The following EDN3 variants were observed in gnomAD, a reference collection of about 807,000 sequenced individuals.
EDN3 encodes the protein endothelin-3.
Under a neutral mutation model 21.4 loss-of-function variants are expected in EDN3, and 9 were observed. That is an observed-to-expected ratio of 0.42 (90% CI 0.25 to 0.73). The LOEUF (loss-of-function observed/expected upper bound fraction) is 0.73, where lower values mean the gene tolerates loss of function less well. EDN3 is among the 30% of genes least tolerant of loss of function. The pLI is 0.26. For synonymous variants in EDN3, 133 were observed against 126.2 expected (o/e 1.05, Z -0.36); for missense variants, 327 against 309.4 (o/e 1.06, Z -0.43).
chr20:59,301,764 A>G, intron 2 of EDN3, 42 bp downstream of exon 2: 1 of 1,604,638 alleles, frequency 6.2e-7, no homozygotes, highest in East Asian at 2.2e-5. Context: ...CTCCCGGACC[A>G]GGCCCACATC....
chr20:59,316,603 C>G (rs1011678651), intron 2 of EDN3, among the ~76,000 whole-genome samples: 1 of 152,220 alleles, frequency 6.6e-6, no homozygotes, highest in Admixed American at 6.5e-5. Context: ...AAACAAAAGT[C>G]AGCTTTCCTT....
At chr20:59,304,155 T>C (rs1417560965) in intron 2 of EDN3, among the ~76,000 whole-genome samples, 1 of 151,636 alleles carries the variant, frequency 6.6e-6, no homozygotes, top group East Asian at 1.9e-4. Context: ...ACTCTGTAGA[T>C]GTGTAGATAG....
At chr20:59,315,567 A>T (rs962651745) in intron 2 of EDN3, among the ~76,000 whole-genome samples, 1 of 152,134 alleles carries the variant, frequency 6.6e-6, no homozygotes, top group Admixed American at 6.5e-5. Flanking sequence ...TAAATGAAAC[A>T]ACGCCTCTAT....
chr20:59,308,772 C>T (rs1989597252), intron 2 of EDN3, among the ~76,000 whole-genome samples: 1 of 152,178 alleles, frequency 6.6e-6, no homozygotes. Flanking sequence ...TGGGCCAAAA[C>T]CAGTCCTCCT....
At chr20:59,318,702 C>A (rs1990344745) in intron 2 of EDN3, among the ~76,000 whole-genome samples, 1 of 152,266 alleles carries the variant, frequency 6.6e-6, no homozygotes, top group African/African-American at 2.4e-5. Context: ...CTTTACCGCG[C>A]TTGGCGGCCG....
Position 59,321,004 on chromosome 20 carries a change from C to G in EDN3, c.366-13C>G. 6.2e-7 allele frequency: 1 copy of G among 1,614,200 alleles called. No individual in the cohort carries two copies. The highest frequency in any genetic ancestry group is 8.5e-7 in the Non-Finnish European group (1 of 1,180,038). ...CTGGGTGTGCTCACCTAACATTACCCTGTGCTTTGCAGACAGACGGTGCCC... is the reference window on the plus strand; with the variant it reads ...CTGGGTGTGCTCACCTAACATTACCGTGTGCTTTGCAGACAGACGGTGCCC... On this transcript the variant is annotated splice_polypyrimidine_tract_variant and intron_variant, in intron 2 of 4. Transcript: ENST00000337938.
rs1434013572 is a variant in EDN3 at position 59,300,834 on chromosome 20, C to G, written c.22C>G (p.Leu8Val). 2.5e-6 allele frequency: 4 copies of G among 1,611,332 alleles called. No homozygotes were observed. Among genetic ancestry groups the G allele is most frequent in the South Asian group, 2.2e-5 (2 of 91,006 alleles). MEPGLWL[L>V]FGLTVTSAAG... ...GTTCATGGAGCCGGGGCTGTGGCTC[C>G]TTTTCGGGCTCACAGTGACCTCCGC... The change falls in exon 1 of 5, where the codon CTT (leucine) becomes GTT (valine). Residue 8 changes from leucine (L) to valine (V), a missense_variant. Coordinates refer to ENST00000337938, the MANE Select transcript of EDN3 (RefSeq NM_207034.3).
rs11570354 is a variant in EDN3, at chr20:59,324,636, C to A, written c.*177C>A. 4.8e-4 allele frequency: 384 copies of A among 807,260 alleles called. 3 individuals carry two copies. The East Asian group carries it at 1.0e-2, about 21-fold the overall frequency. 50.0% of individuals were successfully genotyped at this position (807,260 alleles called of 1,614,324 possible). A position where few individuals can be genotyped will look rare whatever the true frequency, so the allele number is the denominator to read the frequency against. The stretch of plus-strand genomic sequence containing the variant: ...GGCAAGAATGCCCAAATCCGAATGA[C>A]CCCAGTTTTCCTAATGAGTAAAATG... On this transcript the variant is annotated 3_prime_UTR_variant, in exon 5 of 5. Coordinates refer to ENST00000337938, the MANE Select transcript of EDN3 (RefSeq NM_207034.3).
In EDN3 at chr20:59,305,530, A is replaced by C. The variant is rs1432328676; in HGVS notation, c.365+3808A>C. 6.6e-6 allele frequency among the ~76,000 whole-genome samples: 1 copy of C among 152,192 alleles called. No homozygotes were observed. The highest frequency in any genetic ancestry group is 1.5e-5 in the Non-Finnish European group (1 of 68,040). ...TATCAGAAGTGCGGTTGCCAAAGGA[A>C]ATATTTGGTTGCTCTTGGGGGCCAT... is the stretch of plus-strand genomic sequence containing the variant. On this transcript the variant is annotated intron_variant, in intron 2 of 4. Coordinates refer to ENST00000337938, the MANE Select transcript of EDN3 (RefSeq NM_207034.3). The surrounding 1 kb of genome is among the most constrained non-coding windows in gnomAD (Gnocchi z 4.2).
intron 2 of EDN3, among the ~76,000 whole-genome samples, chr20:59,316,312 A>G (rs1434234138): frequency 2.6e-5 from 4 of 152,260 alleles, no homozygotes; most frequent in Admixed American, 6.5e-5. Context: ...CTGTCTTTAC[A>G]TAAGTTTTAC....
intron 2 of EDN3, among the ~76,000 whole-genome samples, chr20:59,306,202 C>G (rs902348778): frequency 3.3e-5 from 5 of 152,188 alleles, no homozygotes; most frequent in Middle Eastern, 3.4e-3. Flanking sequence ...AAATCTGACA[C>G]ACATGGGCTG....
intron 2 of EDN3, among the ~76,000 whole-genome samples, chr20:59,317,963 G>A (rs946930593): frequency 3.3e-5 from 5 of 152,168 alleles, no homozygotes; most frequent in Non-Finnish European, 5.9e-5. Flanking sequence ...GCAACTCTGG[G>A]CCCTGTGGGT....
At chr20:59,321,310 G>A in intron 3 of EDN3, 117 bp downstream of exon 3, 10 of 1,229,870 alleles carry the variant, frequency 8.1e-6, no homozygotes, top group Admixed American at 1.7e-5. Context: ...CTGACCTACT[G>A]TCGTCCTGTG....
At chr20:59,310,787 T>C (rs1407093192) in intron 2 of EDN3, among the ~76,000 whole-genome samples, 1 of 148,638 alleles carries the variant, frequency 6.7e-6, no homozygotes, top group Non-Finnish European at 1.5e-5. Flanking sequence ...AAAACATGAC[T>C]GGCCCGCTGG....
chr20:59,322,328 G>A lies in EDN3; in HGVS notation c.543-44G>A, dbSNP rs1436965828. Reference sequence around the variant, plus strand: ...ATTTGACACCGAAAAACCAGCCACAGGGAAAGGCAGGTTGATTGATTAAAA... The same window carrying A: ...ATTTGACACCGAAAAACCAGCCACAAGGAAAGGCAGGTTGATTGATTAAAA... On this transcript the variant is annotated intron_variant, in intron 3 of 4. Transcript: ENST00000337938. This position sits in a 1 kb window ranked among gnomAD's most constrained non-coding sequence, Gnocchi z 4.1. 1 of 1,611,308 alleles carries A rather than the reference G, an allele frequency of 6.2e-7. No individual in the cohort carries two copies. The highest frequency in any genetic ancestry group is 8.5e-7 in the Non-Finnish European group (1 of 1,177,580).
At chr20:59,309,129 C>G (rs557833758) in intron 2 of EDN3, among the ~76,000 whole-genome samples, 2 of 152,212 alleles carry the variant, frequency 1.3e-5, no homozygotes, top group Non-Finnish European at 2.9e-5. Context: ...TGGTAAATCA[C>G]TGAAAGTTTT....
At chr20:59,301,858 C>T in intron 2 of EDN3, 136 bp downstream of exon 2, 1 of 1,038,530 alleles carries the variant, frequency 9.6e-7, no homozygotes, top group Non-Finnish European at 1.5e-6. Context: ...TTAGCTCTTG[C>T]TGGGGCCTCT....
At position 59,322,069 on chromosome 20, in the gene EDN3, C is replaced by T. The variant is rs1020221715; in HGVS notation, c.543-303C>T. Among the ~76,000 whole-genome samples the T allele has an allele frequency of 3.2e-4, 49 of 152,164 alleles. No homozygotes were observed. The highest frequency in any genetic ancestry group is 1.2e-3 in the African/African-American group (48 of 41,426). On this transcript the variant is annotated intron_variant, in intron 3 of 4. Coordinates refer to ENST00000337938, the MANE Select transcript of EDN3 (RefSeq NM_207034.3). The surrounding 1 kb of genome is among the most constrained non-coding windows in gnomAD (Gnocchi z 4.1). ...GTGAGCTCCCAACACCCCAACAAGG[C>T]AGACGGTAGCGCTCAGGACCCCAGG...
At chr20:59,319,931 A>G (rs970384687) in intron 2 of EDN3, among the ~76,000 whole-genome samples, 2 of 152,206 alleles carry the variant, frequency 1.3e-5, no homozygotes, top group Admixed American at 6.5e-5. Context: ...TCTTCTAGCT[A>G]TTAGTAATTT....
Sources: allele counts gnomAD v4.1 joint callset (sites outside exome capture counted in the v4.1 genomes callset), GRCh38; gene constraint gnomAD v4.1.1; non-coding constraint Gnocchi (gnomAD v3.1); transcripts MANE v1.5; gene names NCBI Gene and HGNC (gene_info 2026-07-23, HGNC 2026-07-21).